Variants in KCNQ5 observed in about 807,000 individuals in gnomAD.
KCNQ5 encodes potassium voltage-gated channel subfamily Q member 5.
Under a neutral mutation model 98.2 loss-of-function variants are expected in KCNQ5, and 30 were observed. The ratio of observed to expected loss-of-function variants is 0.31; its 90% CI spans 0.23 to 0.41. KCNQ5 has a LOEUF of 0.41. Among genes scored for constraint, KCNQ5 ranks in the 10% least tolerant of loss-of-function variants. The probability of loss-of-function intolerance (pLI) is 1.00; values close to 1 mark genes in which losing one functional copy is unlikely to be tolerated. For synonymous variants in KCNQ5, 458 were observed against 449.4 expected, an observed-to-expected ratio of 1.02 and a Z score of -0.24; for missense variants, 835 against 1,182.5, an observed-to-expected ratio of 0.71 and a Z score of 4.31.
intron 3 of KCNQ5, among the ~76,000 whole-genome samples, chr6:73,056,059 G>C (rs1485731453): frequency 2.0e-5 from 3 of 152,202 alleles, no homozygotes; most frequent in African/African-American, 2.4e-5. Flanking sequence ...CTAGGGCACA[G>C]GTTCTCAGTC....
chr6:72,902,600 A>C lies in KCNQ5; in HGVS notation c.399-101308A>C, dbSNP rs141047809. ...TTTTACTGCATCTATTGAGATGATC[A>C]TGTGATTTTGGTTTTTAATTCTGTT... On this transcript the variant is annotated intron_variant, in intron 1 of 13. Transcript: ENST00000370398. Among the ~76,000 whole-genome samples, 689 of 152,306 alleles carry C rather than the reference A, an allele frequency of 4.5e-3. 20 individuals carry two copies. The South Asian group carries it at 0.071, about 16-fold the overall frequency.
Position 73,194,984 on chromosome 6 carries a change from A to T in KCNQ5, c.2369A>T (p.Asn790Ile). The change falls in exon 14 of 14, where the codon AAT becomes ATT. Residue 790 changes from asparagine (N) to isoleucine (I), a missense_variant. Around this residue, in one of 10 missense-constraint regions of KCNQ5, gnomAD observed 416 missense variants for 446.9 expected, o/e 0.93. Coordinates refer to ENST00000370398, the MANE Select transcript of KCNQ5 (RefSeq NM_019842.4). The stretch of plus-strand genomic sequence containing the variant: ...ACCTGCCTTGTTGCCTCCAAGGAAA[A>T]TGTTCAGGTTGCACAGTCAAATCTC... The part of the protein sequence containing the change: ...VTTCLVASKE[N>I]VQVAQSNLTK... 6.2e-7 allele frequency: 1 copy of T among 1,614,138 alleles called. No individual in the cohort carries two copies. The highest frequency in any genetic ancestry group is 8.5e-7 in the Non-Finnish European group (1 of 1,180,020).
rs73756529 is a variant in KCNQ5, at chr6:72,818,858, G to A, written c.399-185050G>A. 3.3e-3 allele frequency among the ~76,000 whole-genome samples: 498 copies of A among 151,202 alleles called. 1 individual carries two copies. The highest frequency in any genetic ancestry group is 0.011 in the African/African-American group (465 of 41,348). On this transcript the variant is annotated intron_variant, in intron 1 of 13. Transcript: ENST00000370398. The stretch of plus-strand genomic sequence containing the variant: ...AATCTTTGATTAATTCTTTAACAAA[G>A]AATTAGTGTTTTTAATAACAAGATA...
intron 1 of KCNQ5, among the ~76,000 whole-genome samples, chr6:72,658,065 T>C (rs541551295): frequency 6.6e-6 from 1 of 152,248 alleles, no homozygotes; most frequent in Admixed American, 6.5e-5. Flanking sequence ...GCCCAAGAAG[T>C]TCTCCTGAAA....
chr6:72,629,620 C>T (rs762767084), intron 1 of KCNQ5, among the ~76,000 whole-genome samples: 11 of 152,256 alleles, frequency 7.2e-5, no homozygotes, highest in Non-Finnish European at 1.3e-4. Flanking sequence ...AAAGAAGTAG[C>T]GCCAGTTTTA....
intron 2 of KCNQ5, among the ~76,000 whole-genome samples, chr6:73,019,871 AT>A (rs1770511837): frequency 6.6e-6 from 1 of 152,094 alleles, no homozygotes; most frequent in South Asian, 2.1e-4. Context: ...GTATTTTGAC[AT>A]TTTCTCAGTG....
chr6:72,823,005 G>T (rs1307583986), intron 1 of KCNQ5, among the ~76,000 whole-genome samples: 1 of 151,824 alleles, frequency 6.6e-6, no homozygotes, highest in South Asian at 2.1e-4. Context: ...ATCACATTGG[G>T]CCCACCTTGA....
At chr6:73,004,054 C>A in intron 2 of KCNQ5, 56 bp downstream of exon 2, 1 of 937,898 alleles carries the variant, frequency 1.1e-6, no homozygotes, top group Non-Finnish European at 1.7e-6. Context: ...CTGCCTATAA[C>A]ATTTATACTA....
intron 11 of KCNQ5, among the ~76,000 whole-genome samples, chr6:73,188,030 G>T (rs561076234): frequency 1.3e-5 from 2 of 152,266 alleles, no homozygotes; most frequent in Admixed American, 6.5e-5. Context: ...ACAAATGTGT[G>T]AGCTACAGCC....
chr6:72,997,713 G>A (rs536933650), intron 1 of KCNQ5, among the ~76,000 whole-genome samples: 175 of 150,446 alleles, frequency 1.2e-3, no homozygotes, highest in Middle Eastern at 6.9e-3. Flanking sequence ...AATCCGGAAG[G>A]GGGAGCTTGC....
intron 1 of KCNQ5, among the ~76,000 whole-genome samples, chr6:72,860,610 A>G (rs1282750090): frequency 6.6e-6 from 1 of 152,146 alleles, no homozygotes; most frequent in Non-Finnish European, 1.5e-5. Context: ...TTTTTTAATT[A>G]TCAAGGTCAG....
rs1464118558 is a variant in KCNQ5, at chr6:73,195,283, C to T, written c.2668C>T (p.Pro890Ser). 1 of 1,614,044 alleles carries T rather than the reference C, an allele frequency of 6.2e-7. No homozygotes were observed. The highest frequency in any genetic ancestry group is 1.3e-5 in the African/African-American group (1 of 74,914). Residue 890 changes from proline (P) to serine (S), a missense_variant, in exon 14 of 14, where the codon CCG becomes TCG. This residue lies in a region of KCNQ5 where 416 missense variants were observed against 446.9 expected (regional missense o/e 0.93). Transcript: ENST00000370398. ...AGAGACAGACACTTTTGATGCCGCA[C>T]CGCAGCCTGCCAGGGAAGCTGCCTT... The part of the protein sequence containing the change: ...ETETDTFDAA[P>S]QPAREAAFAS...
intron 10 of KCNQ5, 35 bp downstream of exon 10, chr6:73,133,676 G>A (rs1226970094): frequency 1.3e-6 from 2 of 1,566,232 alleles, no homozygotes; most frequent in Non-Finnish European, 1.8e-6. Context: ...TTTTTAATTG[G>A]ATAGGCTATA....
chr6:73,151,900 GATGATGACA>G (rs953562674), intron 10 of KCNQ5, among the ~76,000 whole-genome samples: 6 of 152,166 alleles, frequency 3.9e-5, no homozygotes, highest in Non-Finnish European at 8.8e-5. Flanking sequence ...CAGAAGGCAT[GATGATGACA>G]GCTGTCAATG....
At chr6:72,753,611 A>G (rs561514883) in intron 1 of KCNQ5, among the ~76,000 whole-genome samples, 4 of 152,242 alleles carry the variant, frequency 2.6e-5, no homozygotes, top group South Asian at 4.1e-4. Context: ...GATTGTTTAT[A>G]AATTTTAGCC....
intron 1 of KCNQ5, among the ~76,000 whole-genome samples, chr6:72,976,012 A>C (rs1052952002): frequency 6.6e-6 from 1 of 152,208 alleles, no homozygotes; most frequent in Non-Finnish European, 1.5e-5. Context: ...TTCATAATTG[A>C]TTTTTATTAG....
At chr6:73,164,939 G>T (rs1777737254) in intron 10 of KCNQ5, among the ~76,000 whole-genome samples, 1 of 151,866 alleles carries the variant, frequency 6.6e-6, no homozygotes. Context: ...CCTCTGTTTT[G>T]AAGGACAGCA....
At chr6:72,864,120 A>G (rs915907367) in intron 1 of KCNQ5, among the ~76,000 whole-genome samples, 4 of 152,118 alleles carry the variant, frequency 2.6e-5, no homozygotes, top group South Asian at 2.1e-4. Flanking sequence ...TAAGGTATCA[A>G]TTTTTTATAT....
chr6:72,771,178 G>A (rs1162108657), intron 1 of KCNQ5, among the ~76,000 whole-genome samples: 1 of 152,084 alleles, frequency 6.6e-6, no homozygotes, highest in East Asian at 1.9e-4. Context: ...CTGTGGCCAG[G>A]CAGAGGGGAA....
Sources: allele counts gnomAD v4.1 joint callset (sites outside exome capture counted in the v4.1 genomes callset), GRCh38; gene constraint gnomAD v4.1.1; regional missense constraint gnomAD v4.1.1; transcripts MANE v1.5; gene names NCBI Gene and HGNC (gene_info 2026-07-23, HGNC 2026-07-21).